The following IL34 variants were observed in gnomAD, a reference collection of about 807,000 sequenced individuals.
IL34 encodes the protein interleukin 34, also known as interleukin-34.
Under a neutral mutation model 25.3 loss-of-function variants are expected in IL34, and 17 were observed. That is an observed-to-expected ratio of 0.67 (90% CI 0.46 to 1.01). IL34 has a LOEUF of 1.01. Ranked by LOEUF, IL34 falls within the 50% of genes least tolerant of loss-of-function variation. IL34 has a pLI of 0.00. For missense variants in IL34, 368 were observed against 312.9 expected (o/e 1.18, Z -1.33); for synonymous variants, 174 against 140.9 (o/e 1.23, Z -1.66).
At chr16:70,634,246 C>T (rs2151854171) in intron 1 of IL34, among the ~76,000 whole-genome samples, 1 of 152,254 alleles carries the variant, frequency 6.6e-6, no homozygotes, top group East Asian at 1.9e-4. Flanking sequence ...TGCAAATACT[C>T]TGTTTCCAAA....
intron 1 of IL34, among the ~76,000 whole-genome samples, chr16:70,583,841 G>A (rs949654537): frequency 4.7e-4 from 71 of 152,204 alleles, no homozygotes; most frequent in Non-Finnish European, 7.5e-4. Context: ...TAGTAGAGAT[G>A]GGGTTTCACC....
At chr16:70,655,057 T>C (rs1038269005) in intron 2 of IL34, among the ~76,000 whole-genome samples, 1 of 144,896 alleles carries the variant, frequency 6.9e-6, no homozygotes. Flanking sequence ...GCTCTATGTA[T>C]CTTTTTTTTT....
intron 1 of IL34, among the ~76,000 whole-genome samples, chr16:70,650,757 G>A (rs780777508): frequency 1.1e-4 from 17 of 152,292 alleles, no homozygotes; most frequent in Non-Finnish European, 2.5e-4. Context: ...TAGACTCTCT[G>A]CATCCTAGAC....
intron 1 of IL34, among the ~76,000 whole-genome samples, chr16:70,614,115 C>G (rs1345249459): frequency 1.3e-5 from 2 of 149,350 alleles, no homozygotes; most frequent in African/African-American, 2.5e-5. Flanking sequence ...ACCCAGGAGT[C>G]TGAGGCTGTT....
At chr16:70,611,919 G>T (rs1428042209) in intron 1 of IL34, among the ~76,000 whole-genome samples, 1 of 152,150 alleles carries the variant, frequency 6.6e-6, no homozygotes, top group Non-Finnish European at 1.5e-5. Flanking sequence ...GGAGGAGCAG[G>T]AGGATTGCTT....
intron 1 of IL34, among the ~76,000 whole-genome samples, chr16:70,633,360 C>T (rs1321276875): frequency 6.6e-6 from 1 of 151,866 alleles, no homozygotes; most frequent in Non-Finnish European, 1.5e-5. Flanking sequence ...CTAAAGCGAT[C>T]CACCTGCCTC....
At chr16:70,649,819 G>A (rs1309441803) in intron 1 of IL34, among the ~76,000 whole-genome samples, 2 of 94,140 alleles carry the variant, frequency 2.1e-5, no homozygotes, top group East Asian at 6.7e-4. Context: ...TATTTTTTGA[G>A]ACGGAGTCTC....
chr16:70,636,929 G>C (rs1216678317), intron 1 of IL34, among the ~76,000 whole-genome samples: 1 of 151,594 alleles, frequency 6.6e-6, no homozygotes, highest in African/African-American at 2.4e-5. Flanking sequence ...GCCCAGGTTG[G>C]AGTACAGTGG....
At chr16:70,607,380 A>C (rs2051023072) in intron 1 of IL34, among the ~76,000 whole-genome samples, 1 of 152,226 alleles carries the variant, frequency 6.6e-6, no homozygotes, top group Non-Finnish European at 1.5e-5. Flanking sequence ...CTGGGAGTAC[A>C]GGCATTGAGC....
At chr16:70,641,941 C>G (rs2051794520), upstream of IL34, among the ~76,000 whole-genome samples, 1 of 152,152 alleles carries the variant, frequency 6.6e-6, no homozygotes, top group Admixed American at 6.6e-5. Flanking sequence ...ACAATACAAT[C>G]TGAAATGGAC....
intron 1 of IL34, among the ~76,000 whole-genome samples, chr16:70,635,002 T>C (rs2051610353): frequency 2.0e-5 from 3 of 152,144 alleles, no homozygotes. Flanking sequence ...ATTTGGATGG[T>C]TTTCAGTTTT....
chr16:70,590,151 G>A (rs981170282), intron 1 of IL34, among the ~76,000 whole-genome samples: 2 of 152,190 alleles, frequency 1.3e-5, no homozygotes, highest in Admixed American at 6.5e-5. Flanking sequence ...GCTGCTCACG[G>A]CGGGAGAGGG....
chr16:70,589,331 A>G (rs1041110710), intron 1 of IL34, among the ~76,000 whole-genome samples: 16 of 152,062 alleles, frequency 1.1e-4, no homozygotes, highest in Admixed American at 3.3e-4. Flanking sequence ...GTTGTATTTC[A>G]TCACCCAGGA....
intron 1 of IL34, among the ~76,000 whole-genome samples, chr16:70,651,139 C>T (rs1042940484): frequency 1.3e-5 from 2 of 151,582 alleles, no homozygotes; most frequent in East Asian, 3.9e-4. Context: ...AGACAGAGAC[C>T]GATGGGGGCT....
chr16:70,619,121 T>C (rs1028229846), intron 1 of IL34, among the ~76,000 whole-genome samples: 7 of 152,026 alleles, frequency 4.6e-5, no homozygotes, highest in Non-Finnish European at 1.0e-4. Flanking sequence ...AATGGGGGAA[T>C]TGTAAGGAGT....
At chr16:70,628,465 TTGTTTTTA>T (rs1245414048) in intron 1 of IL34, among the ~76,000 whole-genome samples, 4 of 150,302 alleles carry the variant, frequency 2.7e-5, no homozygotes, top group African/African-American at 1.0e-4. Context: ...GTGTGTGGGT[TTGTTTTTA>T]TTTATTTATT....
rs149597317 is a variant in IL34 at position 70,583,839 on chromosome 16, A to G, written c.-401+3790A>G. ...GCTAATTTTTGTATCTTTAGTAGAG[A>G]TGGGGTTTCACCATGTTGGCCAGGC... On this transcript the variant is annotated intron_variant, in intron 1 of 6. Coordinates refer to the IL34 transcript ENST00000429149. Among the ~76,000 whole-genome samples the G allele has an allele frequency of 8.7e-3, 1,316 of 152,128 alleles. 6 individuals carry two copies. Among genetic ancestry groups the G allele is most frequent in the Non-Finnish European group, 0.012 (825 of 67,988 alleles).
upstream of IL34, among the ~76,000 whole-genome samples, chr16:70,642,380 C>A (rs932148746): frequency 6.9e-6 from 1 of 144,754 alleles, no homozygotes; most frequent in Non-Finnish European, 1.5e-5. Context: ...TCACTGCAAA[C>A]TTTGCCCTCT....
At chr16:70,641,672 T>C (rs2051788356), upstream of IL34, among the ~76,000 whole-genome samples, 1 of 151,796 alleles carries the variant, frequency 6.6e-6, no homozygotes, top group Non-Finnish European at 1.5e-5. Flanking sequence ...ATTCAAGTGA[T>C]CTTCCCACCT....
Sources: gnomAD v4.1 joint callset for allele counts (sites outside exome capture counted in the v4.1 genomes callset) on GRCh38, gnomAD v4.1.1 for gene constraint, MANE v1.5 for transcripts, NCBI Gene and HGNC (gene_info 2026-07-23, HGNC 2026-07-21) for gene names.